The following NDFIP2 variants were observed in gnomAD, a reference collection of about 807,000 sequenced individuals.
NDFIP2 encodes the protein NEDD4 family-interacting protein 2.
A neutral mutation model predicts 36.0 loss-of-function variants in NDFIP2; 19 were observed. That is an observed-to-expected ratio of 0.53 (90% CI 0.37 to 0.77). The LOEUF (loss-of-function observed/expected upper bound fraction) is 0.77. Among genes scored for constraint, NDFIP2 ranks in the 30% least tolerant of loss-of-function variants. The probability of loss-of-function intolerance (pLI) is 0.00; values close to 1 mark genes in which losing one functional copy is unlikely to be tolerated. For missense variants in NDFIP2, 446 were observed against 435.8 expected (o/e 1.02, Z -0.21); for synonymous variants, 181 against 167.7 (o/e 1.08, Z -0.61).
intron 4 of NDFIP2, among the ~76,000 whole-genome samples, chr13:79,540,396 G>A (rs2137109866): frequency 6.6e-6 from 1 of 152,282 alleles, no homozygotes; most frequent in African/African-American, 2.4e-5. Context: ...TCATAATACA[G>A]GGATTGACAT....
chr13:79,507,777 A>G (rs1382454004), intron 1 of NDFIP2, among the ~76,000 whole-genome samples: 1 of 151,992 alleles, frequency 6.6e-6, no homozygotes, highest in East Asian at 1.9e-4. Context: ...TTCTATATCC[A>G]CCGTGGACAT....
In NDFIP2 at chr13:79,553,622, T is replaced by G. The variant is rs1039508972; in HGVS notation, c.*1109T>G. The G allele has an allele frequency of 3.3e-5, 5 of 151,984 alleles. No individual in the cohort carries two copies. The highest frequency in any genetic ancestry group is 1.2e-4 in the African/African-American group (5 of 41,410). The allele number at this position is 151,984 out of a possible 1,614,324, so 9.4% of individuals were successfully genotyped here. A position where few individuals can be genotyped will look rare whatever the true frequency, so the allele number is the denominator to read the frequency against. ...CTTGCTTTATGACTTTAGGATTAAC[T>G]TGTAAAAAACATATCCTGAACTGAG... On this transcript the variant is annotated 3_prime_UTR_variant, in exon 8 of 8. Transcript: ENST00000218652.
chr13:79,538,440 A>G (rs1875329891), intron 3 of NDFIP2, among the ~76,000 whole-genome samples: 1 of 152,180 alleles, frequency 6.6e-6, no homozygotes, highest in Non-Finnish European at 1.5e-5. Context: ...TAAAATCAAA[A>G]ACAAGCTAAT....
intron 2 of NDFIP2, among the ~76,000 whole-genome samples, chr13:79,521,180 T>C (rs979248596): frequency 1.3e-5 from 2 of 152,126 alleles, no homozygotes; most frequent in African/African-American, 2.4e-5. Context: ...TACGTACTTA[T>C]ATAACCATAA....
chr13:79,543,069 G>T (rs989354473), intron 4 of NDFIP2, among the ~76,000 whole-genome samples: 8 of 152,018 alleles, frequency 5.3e-5, no homozygotes, highest in African/African-American at 1.9e-4. Flanking sequence ...TAGAGACAGG[G>T]TTTCACCATG....
At chr13:79,503,858 G>T (rs921617693) in intron 1 of NDFIP2, among the ~76,000 whole-genome samples, 1 of 152,166 alleles carries the variant, frequency 6.6e-6, no homozygotes, top group Non-Finnish European at 1.5e-5. Context: ...AGTCTGGCAG[G>T]CTGTATGGAC....
At chr13:79,497,719 T>C (rs1873492063) in intron 1 of NDFIP2, among the ~76,000 whole-genome samples, 1 of 151,356 alleles carries the variant, frequency 6.6e-6, no homozygotes, top group South Asian at 2.1e-4. Flanking sequence ...TTTTGTTTTG[T>C]TTTTCTTTCA....
chr13:79,545,957 A>G (rs983128922), intron 5 of NDFIP2, among the ~76,000 whole-genome samples: 1 of 152,202 alleles, frequency 6.6e-6, no homozygotes, highest in Admixed American at 6.5e-5. Context: ...GCTGATCTCA[A>G]GCTCAGGCAA....
At chr13:79,549,064 G>A (rs1372578232) in intron 6 of NDFIP2, among the ~76,000 whole-genome samples, 2 of 151,868 alleles carry the variant, frequency 1.3e-5, no homozygotes, top group Non-Finnish European at 2.9e-5. Flanking sequence ...TTCTAGTTAA[G>A]AGTAAAAGCC....
chr13:79,522,599 C>G (rs948876311), intron 2 of NDFIP2, among the ~76,000 whole-genome samples: 1 of 152,160 alleles, frequency 6.6e-6, no homozygotes, highest in Non-Finnish European at 1.5e-5. Context: ...TGACTGTTGT[C>G]TGATGGTGGC....
intron 1 of NDFIP2, among the ~76,000 whole-genome samples, chr13:79,484,924 C>A (rs1872902621): frequency 6.6e-6 from 1 of 152,256 alleles, no homozygotes; most frequent in East Asian, 1.9e-4. Context: ...TAATATAATA[C>A]ATGTGTAAAA....
chr13:79,512,198 A>G (rs1017888072), intron 1 of NDFIP2, among the ~76,000 whole-genome samples: 5 of 152,218 alleles, frequency 3.3e-5, no homozygotes, highest in Non-Finnish European at 5.9e-5. Context: ...TTTGATTACC[A>G]GTTACCATTA....
At chr13:79,499,335 C>T (rs1029598663) in intron 1 of NDFIP2, among the ~76,000 whole-genome samples, 1 of 151,888 alleles carries the variant, frequency 6.6e-6, no homozygotes, top group Non-Finnish European at 1.5e-5. Flanking sequence ...GCAAGGATGT[C>T]CTCTTGACTG....
At chr13:79,521,846 G>A (rs1283568279) in intron 2 of NDFIP2, among the ~76,000 whole-genome samples, 4 of 137,240 alleles carry the variant, frequency 2.9e-5, no homozygotes, top group East Asian at 2.1e-4. Flanking sequence ...TTTTTGAGAC[G>A]GAGTCTTACT....
At chr13:79,521,627 T>G (rs1287071656) in intron 2 of NDFIP2, among the ~76,000 whole-genome samples, 2 of 152,174 alleles carry the variant, frequency 1.3e-5, no homozygotes, top group East Asian at 3.9e-4. Context: ...TATTCTGTAT[T>G]TAACATCATC....
rs1400513089 is a variant in NDFIP2 at position 79,555,201 on chromosome 13, G to A, written c.*2688G>A. On this transcript the variant is annotated 3_prime_UTR_variant, in exon 8 of 8. Transcript: ENST00000218652. ...AAGTGGAGTTCAAAATATCCAATTG[G>A]AGAAAAATTCAGAGTTCCTTCATTA... The A allele has an allele frequency of 6.7e-6, 1 of 148,876 alleles. No individual in the cohort carries two copies. The highest frequency in any genetic ancestry group is 2.5e-5 in the African/African-American group (1 of 40,360). 9.2% of individuals were successfully genotyped at this position (148,876 alleles called of 1,614,324 possible).
At chr13:79,544,766 A>G (rs1875598888) in intron 5 of NDFIP2, among the ~76,000 whole-genome samples, 1 of 152,034 alleles carries the variant, frequency 6.6e-6, no homozygotes, top group African/African-American at 2.4e-5. Context: ...AAAAGTACCC[A>G]CTATGAAAAT....
Position 79,533,417 on chromosome 13 carries a change from T to A in NDFIP2, c.582T>A (p.Ala194=), listed in dbSNP as rs1161336521. The A allele has an allele frequency of 8.1e-6, 13 of 1,610,362 alleles. No individual in the cohort carries two copies. Among genetic ancestry groups the A allele is most frequent in the Non-Finnish European group, 1.1e-5 (13 of 1,178,258 alleles). ...ACGATGAAGCTGAGAAGGCTAAAGC[T>A]GCTGCAATGGCAGCTGCAGCAGCAG... ...PTYDEAEKAK[A]AAMAAAAAET... is the part of the protein sequence containing the mutation. The change falls in exon 3 of 8, where the codon GCT becomes GCA. Residue 194 remains alanine, a synonymous_variant. Transcript: ENST00000218652.
chr13:79,534,169 T>C (rs1308440371), intron 3 of NDFIP2, among the ~76,000 whole-genome samples: 1 of 152,144 alleles, frequency 6.6e-6, no homozygotes, highest in Non-Finnish European at 1.5e-5. Context: ...TTGCTGTCCA[T>C]GTACTTATTT....
Sources: gnomAD v4.1 joint callset for allele counts (sites outside exome capture counted in the v4.1 genomes callset) on GRCh38, gnomAD v4.1.1 for gene constraint, MANE v1.5 for transcripts, NCBI Gene and HGNC (gene_info 2026-07-23, HGNC 2026-07-21) for gene names.